The following CRAMP1 variants were observed in gnomAD, a reference collection of about 807,000 sequenced individuals.
The protein encoded by CRAMP1 is protein cramped-like.
CRAMP1 carries 50 observed loss-of-function variants against 115.4 expected under a neutral mutation model. The observed-to-expected ratio is 0.43, with a 90% confidence interval of 0.35 to 0.55. The LOEUF is 0.55. Among genes scored for constraint, CRAMP1 ranks in the 20% least tolerant of loss-of-function variants. The pLI, the probability that CRAMP1 is intolerant of heterozygous loss-of-function variation, is 0.01. For missense variants in CRAMP1, 1,679 were observed against 1,721.7 expected (o/e 0.98, Z 0.44); for synonymous variants, 866 against 745.4 (o/e 1.16, Z -2.64).
At chr16:1,639,070 G>A (rs1369344076) in intron 5 of CRAMP1, among the ~76,000 whole-genome samples, 1 of 151,924 alleles carries the variant, frequency 6.6e-6, no homozygotes, top group African/African-American at 2.4e-5. Flanking sequence ...CAGGCCCCAA[G>A]GAGTTTACGC....
chr16:1,654,515 T>C (rs548331096), intron 8 of CRAMP1, among the ~76,000 whole-genome samples: 157 of 152,338 alleles, frequency 1.0e-3, no homozygotes, highest in African/African-American at 3.5e-3. Flanking sequence ...CCCGGTGAAC[T>C]TAGCCATTTC....
Position 1,666,600 on chromosome 16 carries a change from G to T in CRAMP1, c.3036G>T (p.Gly1012=). Residue 1012 remains glycine, a splice_region_variant and synonymous_variant, in exon 16 of 21, where the codon GGG becomes GGT. Transcript: ENST00000397412. The surrounding 1 kb of genome is among the most constrained non-coding windows in gnomAD (Gnocchi z 5.0). ...HQDGDTLPTV[G]GSDPFVSIPS... ...ATGGAGACACCCTCCCCACCGTGGG[G>T]GTGAGTATGTTTAGAAGGGCTTTTC... The T allele has an allele frequency of 2.4e-5, 38 of 1,613,508 alleles. No individual in the cohort carries two copies. The highest frequency in any genetic ancestry group is 3.2e-5 in the Non-Finnish European group (38 of 1,179,566).
intron 2 of CRAMP1, among the ~76,000 whole-genome samples, chr16:1,618,164 C>T (rs1278762724): frequency 6.6e-6 from 1 of 152,238 alleles, no homozygotes; most frequent in Non-Finnish European, 1.5e-5. Flanking sequence ...ACTAGTCCAT[C>T]TTTTGGATAA....
chr16:1,665,004 A>G (rs2036861913), intron 13 of CRAMP1, 53 bp from the exon 14 acceptor site: 2 of 1,265,280 alleles, frequency 1.6e-6, no homozygotes, highest in African/African-American at 2.9e-5. Context: ...ACTGGGAGTG[A>G]TTTTTTGGTA....
At position 1,656,053 on chromosome 16, in the gene CRAMP1, C is replaced by T; in HGVS notation, c.1296C>T (p.Cys432=). The part of the protein sequence containing the change: ...CTVHWQEGGR[C]KQSAKDAHVL... ...TGCACTGGCAGGAGGGCGGCCGGTGCAAGCAGAGTGCCAAGGACGCCCACG... is the reference window on the plus strand; with the variant it reads ...TGCACTGGCAGGAGGGCGGCCGGTGTAAGCAGAGTGCCAAGGACGCCCACG... Residue 432 remains cysteine, a synonymous_variant, in exon 10 of 21, where the codon TGC becomes TGT. Coordinates refer to ENST00000397412, the MANE Select transcript of CRAMP1 (RefSeq NM_020825.4). This position sits in a 1 kb window ranked among gnomAD's most constrained non-coding sequence, Gnocchi z 5.6. 6.2e-7 allele frequency: 1 copy of T among 1,611,458 alleles called. No individual in the cohort carries two copies. Among genetic ancestry groups the T allele is most frequent in the Non-Finnish European group, 8.5e-7 (1 of 1,179,404 alleles).
chr16:1,657,854 C>T (rs956839084), intron 10 of CRAMP1, among the ~76,000 whole-genome samples: 2 of 152,226 alleles, frequency 1.3e-5, no homozygotes, highest in African/African-American at 4.8e-5. Context: ...TGGCGAGCTG[C>T]TGGACATGGG....
chr16:1,670,944 C>A, intron 20 of CRAMP1, 135 bp downstream of exon 20: 1 of 772,848 alleles, frequency 1.3e-6, no homozygotes, highest in Non-Finnish European at 2.1e-6. Flanking sequence ...CACGTCCACA[C>A]TCAGGTCCCT....
intron 13 of CRAMP1, among the ~76,000 whole-genome samples, chr16:1,664,204 G>A (rs1158974865): frequency 6.6e-6 from 1 of 152,232 alleles, no homozygotes; most frequent in Non-Finnish European, 1.5e-5. Context: ...TGGATTACTA[G>A]CAGTTTCAGT....
At chr16:1,645,977 G>GT (rs1258893875) in intron 6 of CRAMP1, among the ~76,000 whole-genome samples, 1 of 151,824 alleles carries the variant, frequency 6.6e-6, no homozygotes, top group African/African-American at 2.4e-5. Context: ...GCCACTCTCC[G>GT]TTCCCTGTAA....
intron 19 of CRAMP1, 82 bp from the exon 20 acceptor site, chr16:1,670,582 C>T (rs1008452659): frequency 1.1e-5 from 16 of 1,492,694 alleles, no homozygotes; most frequent in Admixed American, 7.3e-5. Flanking sequence ...GGGCTGGCTG[C>T]CCCCAGCCTC....
At position 1,654,507 on chromosome 16, in the gene CRAMP1, C is replaced by T. The variant is rs191699966; in HGVS notation, c.1038-712C>T. ...GATTCCAGGCGTGTGCCGCCGTGCC[C>T]GGTGAACTTAGCCATTTCTAAGTTT... On this transcript the variant is annotated intron_variant, in intron 8 of 20. Coordinates refer to ENST00000397412, the MANE Select transcript of CRAMP1 (RefSeq NM_020825.4). 3.3e-5 allele frequency among the ~76,000 whole-genome samples: 5 copies of T among 152,298 alleles called. No individual in the cohort carries two copies. In the East Asian group the frequency reaches 7.7e-4, roughly 24 times the overall value.
At chr16:1,620,842 G>A (rs980252594) in intron 2 of CRAMP1, among the ~76,000 whole-genome samples, 1 of 152,180 alleles carries the variant, frequency 6.6e-6, no homozygotes, top group Non-Finnish European at 1.5e-5. Flanking sequence ...CATGGGAAAC[G>A]CCTGGGTTTG....
rs1321705849 is a variant in CRAMP1, at chr16:1,650,117, A to G, written c.828-2379A>G. 2.0e-5 allele frequency among the ~76,000 whole-genome samples: 3 copies of G among 152,154 alleles called. No individual in the cohort carries two copies. In the East Asian group the frequency reaches 5.8e-4, roughly 29 times the overall value. ...CTTGTTTGGCCCTAAACACTTGATT[A>G]AAGCCTTAGGTTTTTGGGGTGATGG... On this transcript the variant is annotated intron_variant, in intron 6 of 20. Transcript: ENST00000397412.
chr16:1,670,924 C>T, intron 20 of CRAMP1, 115 bp downstream of exon 20: 3 of 936,728 alleles, frequency 3.2e-6, no homozygotes, highest in South Asian at 1.6e-5. Context: ...AGTAGAAGAA[C>T]AGGAGACAGC....
At chr16:1,651,317 CTG>C (rs1414638520) in intron 6 of CRAMP1, among the ~76,000 whole-genome samples, 2 of 148,936 alleles carry the variant, frequency 1.3e-5, no homozygotes, top group Admixed American at 6.7e-5. Context: ...GAGAGGTCGA[CTG>C]AGAGGTCACA....
At chr16:1,647,209 A>G (rs1018295919) in intron 6 of CRAMP1, among the ~76,000 whole-genome samples, 1 of 152,210 alleles carries the variant, frequency 6.6e-6, no homozygotes, top group African/African-American at 2.4e-5. Flanking sequence ...TAGAATTGTA[A>G]AATTAAATTA....
intron 2 of CRAMP1, among the ~76,000 whole-genome samples, chr16:1,617,721 G>A (rs1291681245): frequency 2.6e-5 from 4 of 152,198 alleles, no homozygotes; most frequent in Non-Finnish European, 5.9e-5. Flanking sequence ...AAGTCTGCTT[G>A]TTTGGCTTTT....
At position 1,669,111 on chromosome 16, in the gene CRAMP1, G is replaced by A. The variant is rs765075461; in HGVS notation, c.3445G>A (p.Asp1149Asn). Residue 1149 changes from aspartate (D) to asparagine (N), a missense_variant, in exon 19 of 21, where the codon GAC becomes AAC. Transcript: ENST00000397412. The surrounding 1 kb of genome is among the most constrained non-coding windows in gnomAD (Gnocchi z 4.6). Reference sequence around the variant, plus strand: ...ACACTGGATCGCCTCTCCCACCCACGACCCCCAGTGGTACCCCAGTGACTC... The same window carrying A: ...ACACTGGATCGCCTCTCCCACCCACAACCCCCAGTGGTACCCCAGTGACTC... Reference protein sequence around the residue: ...QPHWIASPTHDPQWYPSDSTD... With the variant: ...QPHWIASPTHNPQWYPSDSTD... The A allele has an allele frequency of 2.5e-6, 4 of 1,609,904 alleles. No individual in the cohort carries two copies. The highest frequency in any genetic ancestry group is 3.4e-6 in the Non-Finnish European group (4 of 1,178,186).
At chr16:1,643,092 G>C (rs1426947791) in intron 6 of CRAMP1, among the ~76,000 whole-genome samples, 1 of 152,188 alleles carries the variant, frequency 6.6e-6, no homozygotes, top group East Asian at 1.9e-4. Context: ...GAGAAGGAAA[G>C]AAATGGTTAC....
Sources: allele counts gnomAD v4.1 joint callset (sites outside exome capture counted in the v4.1 genomes callset), GRCh38; gene constraint gnomAD v4.1.1; non-coding constraint Gnocchi (gnomAD v3.1); transcripts MANE v1.5; gene names NCBI Gene and HGNC (gene_info 2026-07-23, HGNC 2026-07-21).